Variants in SYNE1 observed in about 807,000 individuals in gnomAD.
SYNE1 encodes spectrin repeat containing nuclear envelope protein 1.
A neutral mutation model predicts 1,111.0 loss-of-function variants in SYNE1; 616 were observed. The observed-to-expected ratio is 0.55, with a 90% CI of 0.52 to 0.59. The LOEUF (loss-of-function observed/expected upper bound fraction) is 0.59. Ranked by LOEUF, SYNE1 falls within the 20% of genes least tolerant of loss-of-function variation. The probability of loss-of-function intolerance (pLI) is 0.00; values close to 1 mark genes in which losing one functional copy is unlikely to be tolerated. For synonymous variants in SYNE1, 3,855 were observed against 3,825.8 expected, an observed-to-expected ratio of 1.01 and a Z score of -0.28; for missense variants, 10,006 against 10,417.0, an observed-to-expected ratio of 0.96 and a Z score of 1.72.
intron 121 of SYNE1, among the ~76,000 whole-genome samples, chr6:152,216,961 G>C (rs1010487374): frequency 6.6e-6 from 1 of 151,898 alleles, no homozygotes; most frequent in Non-Finnish European, 1.5e-5. Context: ...TATTTGGGAG[G>C]CTGAGGCAGG....
intron 130 of SYNE1, chr6:152,167,985 C>T: frequency 1.3e-6 from 1 of 778,258 alleles, no homozygotes; most frequent in Non-Finnish European, 2.4e-6. Context: ...CAGCTATCTC[C>T]CAACACCAAT....
At chr6:152,321,999 A>G in intron 82 of SYNE1, 113 bp from the exon 83 acceptor site, 1 of 1,136,234 alleles carries the variant, frequency 8.8e-7, no homozygotes, top group Non-Finnish European at 1.3e-6. Flanking sequence ...ATCTTTTTTG[A>G]AAGAAAAGAC....
chr6:152,225,608 G>A, intron 116 of SYNE1, 113 bp downstream of exon 116: 1 of 1,264,708 alleles, frequency 7.9e-7, no homozygotes, highest in Non-Finnish European at 1.1e-6. Flanking sequence ...AGTACAAGGA[G>A]ATAATGTATA....
At chr6:152,224,959 G>GTA (rs565059418) in intron 116 of SYNE1, among the ~76,000 whole-genome samples, 1,703 of 145,324 alleles carry the variant, frequency 0.012, 16 homozygotes, top group Middle Eastern at 0.044. Flanking sequence ...ATATATATGT[G>GTA]TATATATATA....
At position 152,465,430 on chromosome 6, in the gene SYNE1, A is replaced by C. The variant is rs935934480; in HGVS notation, c.1760T>G (p.Met587Arg). The change falls in exon 18 of 146, where the codon ATG becomes AGG. Residue 587 changes from methionine to arginine, a missense_variant. Physicochemically the swap from Met to Arg is moderately conservative, Grantham distance 91 (BLOSUM62 -1). Coordinates refer to ENST00000367255, the MANE Select transcript of SYNE1 (RefSeq NM_182961.4). ...CCTCCACTGAGCGGTGGTTTCATTC[A>C]TGAATTTCATCACATTCTCAGCTTC... is the stretch of plus-strand genomic sequence containing the variant. ...VEEAENVMKF[M>R]NETTAQWRNL... 1.2e-6 allele frequency: 2 copies of C among 1,613,414 alleles called. No individual in the cohort carries two copies. Among genetic ancestry groups the C allele is most frequent in the African/African-American group, 2.7e-5 (2 of 74,886 alleles).
chr6:152,497,079 A>C (rs1422913556), intron 11 of SYNE1, among the ~76,000 whole-genome samples: 1 of 152,104 alleles, frequency 6.6e-6, no homozygotes, highest in Non-Finnish European at 1.5e-5. Flanking sequence ...CTCCTTTTTC[A>C]AACTCAGTCT....
In SYNE1 at chr6:152,513,939, C is replaced by T. The variant is rs142611242; in HGVS notation, c.310-2836G>A. ...AAAACCACAACGAGATACCATGTCA[C>T]ACCAGTTAGAATGGCGATTATTAAA... is the stretch of plus-strand genomic sequence containing the variant. On this transcript the variant is annotated intron_variant, in intron 6 of 145. Transcript: ENST00000367255. Among the ~76,000 whole-genome samples the T allele has an allele frequency of 1.6e-4, 25 of 152,242 alleles. No individual in the cohort carries two copies. The East Asian group carries it at 4.8e-3, about 29-fold the overall frequency.
chr6:152,325,219 A>C lies in SYNE1; in HGVS notation c.15522T>G (p.Asn5174Lys). 6.2e-7 allele frequency: 1 copy of C among 1,614,148 alleles called. No individual in the cohort carries two copies. Residue 5174 changes from asparagine (N) to lysine (K), a missense_variant, in exon 81 of 146, where the codon AAT becomes AAG. By Grantham distance (94) the Asn-to-Lys change is moderately conservative (BLOSUM62 0). This residue lies in a region of SYNE1 where 4,955 missense variants were observed against 5,017.2 expected (regional missense o/e 0.99). Coordinates refer to ENST00000367255, the MANE Select transcript of SYNE1 (RefSeq NM_182961.4). ...TGCTCAGGGTGGCTTTGCTGGCATC[A>C]TTTCCGGTTTTCTCCAGTTGTGAAG... is the stretch of plus-strand genomic sequence containing the variant. The part of the protein sequence containing the change: ...EKASQLEKTG[N>K]DASKATLSRS...
At chr6:152,318,833 A>T (rs2095800949) in intron 85 of SYNE1, 30 bp downstream of exon 85, 2 of 1,613,248 alleles carry the variant, frequency 1.2e-6, no homozygotes, top group Non-Finnish European at 8.5e-7. Flanking sequence ...TAATTCATTC[A>T]GTAGTACCCT....
intron 138 of SYNE1, among the ~76,000 whole-genome samples, chr6:152,142,998 G>A (rs1038366805): frequency 7.9e-5 from 12 of 152,202 alleles, no homozygotes; most frequent in Non-Finnish European, 1.5e-4. Flanking sequence ...AAAGCAGGTA[G>A]TTCTCTAGGG....
intron 42 of SYNE1, 137 bp from the exon 43 acceptor site, chr6:152,409,846 T>C: frequency 1.1e-6 from 1 of 905,672 alleles, no homozygotes; most frequent in South Asian, 1.5e-5. Flanking sequence ...GTCCTCAAAC[T>C]AGTGCTGCTG....
intron 131 of SYNE1, 89 bp from the exon 132 acceptor site, chr6:152,156,186 C>T: frequency 7.5e-7 from 1 of 1,337,208 alleles, no homozygotes; most frequent in South Asian, 1.2e-5. Flanking sequence ...AATGGCTAGG[C>T]TACACCTTGA....
chr6:152,582,075 G>A (rs908091024), intron 3 of SYNE1, among the ~76,000 whole-genome samples: 3 of 152,048 alleles, frequency 2.0e-5, no homozygotes, highest in Admixed American at 2.0e-4. Flanking sequence ...CTAGTTGTAT[G>A]ACATACAGCT....
intron 17 of SYNE1, among the ~76,000 whole-genome samples, chr6:152,465,760 A>AACACACACACACACACACACACACAC (rs113781129): frequency 3.8e-5 from 5 of 133,212 alleles, no homozygotes; most frequent in African/African-American, 1.5e-4. Context: ...CTCTTAGAAG[A>AACACACACACACACACACACACACAC]ACACATACAC....
At chr6:152,365,068 G>T in intron 62 of SYNE1, 49 bp from the exon 63 acceptor site, 2 of 1,604,510 alleles carry the variant, frequency 1.2e-6, no homozygotes. Flanking sequence ...GTTTAACATT[G>T]CTGGCTTTAA....
chr6:152,354,508 G>T, intron 67 of SYNE1, 151 bp downstream of exon 67: 2 of 808,032 alleles, frequency 2.5e-6, no homozygotes, highest in Non-Finnish European at 4.0e-6. Context: ...TAAGAGGAAT[G>T]CTCCATTGTG....
intron 39 of SYNE1, among the ~76,000 whole-genome samples, chr6:152,421,604 C>T (rs1257556808): frequency 1.3e-5 from 2 of 151,946 alleles, no homozygotes; most frequent in East Asian, 3.9e-4. Flanking sequence ...TGGACTGAAT[C>T]CTGAATTGTT....
chr6:152,458,516 G>C (rs1463430958), intron 22 of SYNE1, among the ~76,000 whole-genome samples: 1 of 152,172 alleles, frequency 6.6e-6, no homozygotes, highest in Non-Finnish European at 1.5e-5. Context: ...AGATGAATGA[G>C]CCTGGTTTGC....
At chr6:152,136,448 G>A (rs1170738057) in intron 141 of SYNE1, among the ~76,000 whole-genome samples, 170 bp downstream of exon 141, 2 of 152,226 alleles carry the variant, frequency 1.3e-5, no homozygotes, top group African/African-American at 4.8e-5. Flanking sequence ...TCATGAACAT[G>A]TAGAAATGCT....
Sources: allele counts gnomAD v4.1 joint callset (sites outside exome capture counted in the v4.1 genomes callset), GRCh38; gene constraint gnomAD v4.1.1; regional missense constraint gnomAD v4.1.1; transcripts MANE v1.5; gene names NCBI Gene and HGNC (gene_info 2026-07-23, HGNC 2026-07-21).